Variants in FAXC observed in about 807,000 individuals in gnomAD.
FAXC encodes the protein failed axon connections homolog, metaxin like GST domain containing.
FAXC carries 10 observed loss-of-function variants against 41.9 expected under a neutral mutation model. That is an observed-to-expected ratio of 0.24 (90% confidence interval 0.15 to 0.41). The LOEUF (loss-of-function observed/expected upper bound fraction) is 0.41, where lower values mean the gene tolerates loss of function less well. FAXC is among the 10% of genes least tolerant of loss of function. FAXC has a pLI of 1.00. For missense variants in FAXC, 399 were observed against 510.9 expected (o/e 0.78, Z 2.11); for synonymous variants, 183 against 183.8 (o/e 1.00, Z 0.03).
chr6:99,284,077 G>A (rs1770927632), intron 5 of FAXC: 1 of 152,168 alleles, frequency 6.6e-6, no homozygotes, highest in African/African-American at 2.4e-5. Context: ...TCCTGACTGT[G>A]TGCCAGGCAT....
At chr6:99,346,699 G>A (rs908343935) in intron 1 of FAXC, among the ~76,000 whole-genome samples, 9 of 152,090 alleles carry the variant, frequency 5.9e-5, no homozygotes, top group African/African-American at 2.2e-4. Flanking sequence ...CGCGCGCCGG[G>A]CCAAAGTAGG....
intron 4 of FAXC, among the ~76,000 whole-genome samples, chr6:99,308,511 C>T (rs927113743): frequency 2.0e-5 from 3 of 151,472 alleles, no homozygotes; most frequent in African/African-American, 7.3e-5. Flanking sequence ...TAACAATGTG[C>T]ATAATCCTTC....
intron 2 of FAXC, among the ~76,000 whole-genome samples, chr6:99,334,364 G>C (rs1477723704): frequency 1.3e-5 from 2 of 152,146 alleles, no homozygotes; most frequent in Admixed American, 6.5e-5. Flanking sequence ...TAAGAAAATA[G>C]AACCTCCTCT....
At chr6:99,306,019 G>C (rs764507629) in intron 4 of FAXC, among the ~76,000 whole-genome samples, 1 of 152,014 alleles carries the variant, frequency 6.6e-6, no homozygotes, top group Non-Finnish European at 1.5e-5. Flanking sequence ...GAGAATTAAA[G>C]CAAGGTGATG....
At chr6:99,297,520 G>C (rs1771542789) in intron 4 of FAXC, among the ~76,000 whole-genome samples, 1 of 152,136 alleles carries the variant, frequency 6.6e-6, no homozygotes, top group Non-Finnish European at 1.5e-5. Flanking sequence ...GACAAGCAGA[G>C]AGCCACATGC....
intron 5 of FAXC, among the ~76,000 whole-genome samples, chr6:99,289,612 T>C (rs758039291): frequency 6.6e-6 from 1 of 152,092 alleles, no homozygotes. Context: ...GCCATAATCA[T>C]GTCACTTCAC....
chr6:99,302,641 GCAATACT>G (rs1771758882), intron 4 of FAXC, among the ~76,000 whole-genome samples: 1 of 152,026 alleles, frequency 6.6e-6, no homozygotes, highest in African/African-American at 2.4e-5. Context: ...GGTTTACAGA[GCAATACT>G]CTGTCTCAAA....
At chr6:99,339,016 A>G (rs891467280) in intron 2 of FAXC, among the ~76,000 whole-genome samples, 2 of 152,192 alleles carry the variant, frequency 1.3e-5, no homozygotes, top group African/African-American at 4.8e-5. Flanking sequence ...ACCAAACTAA[A>G]GCATGTCAAC....
intron 4 of FAXC, among the ~76,000 whole-genome samples, chr6:99,314,716 C>T (rs1181918361): frequency 4.6e-5 from 7 of 152,190 alleles, no homozygotes; most frequent in African/African-American, 1.7e-4. Flanking sequence ...TGAGCTCAGC[C>T]CCTGCCACCA....
At chr6:99,295,289 A>C (rs1771439458) in intron 4 of FAXC, among the ~76,000 whole-genome samples, 1 of 152,250 alleles carries the variant, frequency 6.6e-6, no homozygotes, top group South Asian at 2.1e-4. Flanking sequence ...AGTCCTCATA[A>C]TACCTGATGG....
intron 4 of FAXC, among the ~76,000 whole-genome samples, chr6:99,314,863 C>T (rs1772280370): frequency 1.3e-5 from 2 of 152,144 alleles, no homozygotes; most frequent in African/African-American, 4.8e-5. Context: ...CTATTCTACT[C>T]ACTGTCCCAC....
At chr6:99,334,723 G>C (rs985541110) in intron 2 of FAXC, 6 of 305,366 alleles carry the variant, frequency 2.0e-5, no homozygotes, top group African/African-American at 1.1e-4. Flanking sequence ...CCACCAGAGG[G>C]AACTGTTTAC....
At position 99,279,129 on chromosome 6, in the gene FAXC, A is replaced by G. The variant is rs1770732450; in HGVS notation, c.*2035T>C. The stretch of plus-strand genomic sequence containing the variant: ...CAGAAATGCCACCAGTTGGCCTTAA[A>G]ACACACTTGCTAGAGAGAGGGGAGG... On this transcript the variant is annotated 3_prime_UTR_variant, in exon 6 of 6. Coordinates refer to ENST00000389677, the MANE Select transcript of FAXC (RefSeq NM_032511.4). 1 of 152,160 alleles carries G rather than the reference A, an allele frequency of 6.6e-6. No individual in the cohort carries two copies. Among genetic ancestry groups the G allele is most frequent in the African/African-American group, 2.4e-5 (1 of 41,430 alleles). 9.4% of individuals were successfully genotyped at this position (152,160 alleles called of 1,614,324 possible).
intron 1 of FAXC, among the ~76,000 whole-genome samples, chr6:99,344,117 T>C (rs1242423604): frequency 6.6e-6 from 1 of 152,126 alleles, no homozygotes; most frequent in Admixed American, 6.5e-5. Context: ...ACCTGAAGAG[T>C]GAGGACAGTA....
At chr6:99,289,895 G>A (rs1165740755) in intron 5 of FAXC, among the ~76,000 whole-genome samples, 1 of 152,022 alleles carries the variant, frequency 6.6e-6, no homozygotes, top group Non-Finnish European at 1.5e-5. Context: ...TGATTATATG[G>A]CTGATTGGGA....
At chr6:99,293,685 TGTGTGTGTG>T (rs1771338195) in intron 4 of FAXC, among the ~76,000 whole-genome samples, 2 of 136,494 alleles carry the variant, frequency 1.5e-5, no homozygotes, top group African/African-American at 5.4e-5. Flanking sequence ...TGTGTGTGTG[TGTGTGTGTG>T]TGTGTGTGTG....
chr6:99,287,683 A>G (rs1215068148), intron 5 of FAXC, among the ~76,000 whole-genome samples: 1 of 152,230 alleles, frequency 6.6e-6, no homozygotes, highest in Non-Finnish European at 1.5e-5. Context: ...CGAGCCACTT[A>G]CATGCCTGGG....
At chr6:99,316,157 G>GCCCCCCCCC (rs71021722) in intron 4 of FAXC, among the ~76,000 whole-genome samples, 4 of 146,268 alleles carry the variant, frequency 2.7e-5, no homozygotes, top group East Asian at 4.3e-4. Flanking sequence ...TAACCCACTC[G>GCCCCCCCCC]CCCCCCCCCA....
chr6:99,349,529 AGAGGAG>A lies in FAXC; in HGVS notation c.-163_-158del, dbSNP rs59271412. ...CGGCGGCGACTGAGGAGGCGGCGGC[AGAGGAG>A]GAGGAGGAGGAAGGGCACTGGCCGC... is the stretch of plus-strand genomic sequence containing the variant. On this transcript the variant is annotated 5_prime_UTR_variant, in exon 1 of 6. Transcript: ENST00000389677. 3.3e-6 allele frequency: 1 copy of A among 301,398 alleles called. No individual in the cohort carries two copies. Among genetic ancestry groups the A allele is most frequent in the Non-Finnish European group, 4.9e-6 (1 of 206,130 alleles). The allele number at this position is 301,398 out of a possible 1,614,324, so 18.7% of individuals were successfully genotyped here. A position where few individuals can be genotyped will look rare whatever the true frequency, so the allele number is the denominator to read the frequency against.
Sources: gnomAD v4.1 joint callset for allele counts (sites outside exome capture counted in the v4.1 genomes callset) on GRCh38, gnomAD v4.1.1 for gene constraint, MANE v1.5 for transcripts, NCBI Gene and HGNC (gene_info 2026-07-23, HGNC 2026-07-21) for gene names.